The following LAMA2 variants were observed in gnomAD, a reference collection of about 807,000 sequenced individuals.
LAMA2 encodes the protein laminin subunit alpha 2.
LAMA2 carries 269 observed loss-of-function variants against 364.8 expected under a neutral mutation model. That is an observed-to-expected ratio of 0.74 (90% CI 0.67 to 0.82). The LOEUF (loss-of-function observed/expected upper bound fraction) is 0.82. LAMA2 is among the 40% of genes least tolerant of loss of function. LAMA2 has a pLI of 0.00. For missense variants in LAMA2, 3,807 were observed against 3,873.2 expected (o/e 0.98, Z 0.45); for synonymous variants, 1,379 against 1,370.6 (o/e 1.01, Z -0.14).
At chr6:129,304,640 T>A (rs751600405) in intron 22 of LAMA2, among the ~76,000 whole-genome samples, 2 of 152,254 alleles carry the variant, frequency 1.3e-5, no homozygotes, top group Admixed American at 1.3e-4. Flanking sequence ...GGGCATTTGA[T>A]ACATTTTTTT....
intron 32 of LAMA2, among the ~76,000 whole-genome samples, chr6:129,365,545 T>C (rs1432816058): frequency 6.6e-6 from 1 of 152,058 alleles, no homozygotes; most frequent in East Asian, 1.9e-4. Flanking sequence ...GTATTTTTAG[T>C]AGAGACAGGG....
intron 12 of LAMA2, among the ~76,000 whole-genome samples, chr6:129,233,929 T>G (rs770502247): frequency 6.6e-6 from 1 of 152,164 alleles, no homozygotes; most frequent in Admixed American, 6.5e-5. Flanking sequence ...GTTAAGAAGA[T>G]ATTTTTGTGA....
intron 1 of LAMA2, among the ~76,000 whole-genome samples, chr6:128,922,819 T>C (rs910963848): frequency 6.6e-6 from 1 of 152,226 alleles, no homozygotes; most frequent in African/African-American, 2.4e-5. Flanking sequence ...CTAGGTTTTC[T>C]TCTAGTGTTT....
chr6:128,901,016 G>T (rs570377410), intron 1 of LAMA2, among the ~76,000 whole-genome samples: 67 of 152,306 alleles, frequency 4.4e-4, no homozygotes, highest in African/African-American at 1.4e-3. Context: ...AATTAGCTGC[G>T]TGTGGTGGCA....
At chr6:128,977,838 CT>C (rs1562888145) in intron 1 of LAMA2, among the ~76,000 whole-genome samples, 1 of 152,008 alleles carries the variant, frequency 6.6e-6, no homozygotes, top group Non-Finnish European at 1.5e-5. Context: ...AATTTCATCA[CT>C]TTTTTTTCTC....
In LAMA2 at chr6:129,454,243, ATTT is replaced by A. The variant is rs1297387559; in HGVS notation, c.6663_6665del (p.Asp2221_Leu2222delinsGlu). The A allele has an allele frequency of 6.2e-7, 1 of 1,612,560 alleles. No individual in the cohort carries two copies. On this transcript the variant is annotated inframe_deletion, in exon 47 of 65. Coordinates refer to ENST00000421865, the MANE Select transcript of LAMA2 (RefSeq NM_000426.4). ...GGAGTTGGACGTGTAGAGTACCCAG[ATTT>A]GACTATTGATGACTCATATTGGTAC...
At chr6:129,136,977 G>A (rs1260698063) in intron 4 of LAMA2, among the ~76,000 whole-genome samples, 2 of 152,090 alleles carry the variant, frequency 1.3e-5, no homozygotes, top group African/African-American at 2.4e-5. Context: ...GTGACCTGTG[G>A]TCACAGTGTT....
At chr6:129,171,685 G>T (rs1228350436) in intron 9 of LAMA2, among the ~76,000 whole-genome samples, 1 of 134,506 alleles carries the variant, frequency 7.4e-6, no homozygotes, top group Non-Finnish European at 1.6e-5. Context: ...GTATCTTTGT[G>T]GCGTTCTCTG....
intron 37 of LAMA2, among the ~76,000 whole-genome samples, chr6:129,399,601 A>C (rs767439097): frequency 8.5e-5 from 13 of 152,216 alleles, no homozygotes; most frequent in Non-Finnish European, 1.5e-4. Context: ...GCCCTAGTAC[A>C]TAGAGAATGA....
At chr6:129,464,250 T>C in intron 49 of LAMA2, 40 bp from the exon 50 acceptor site, 2 of 1,563,662 alleles carry the variant, frequency 1.3e-6, no homozygotes, top group Non-Finnish European at 1.8e-6. Flanking sequence ...ACAGACTGAA[T>C]AGATATGATC....
intron 40 of LAMA2, among the ~76,000 whole-genome samples, chr6:129,407,691 G>A (rs1243400656): frequency 2.6e-5 from 4 of 152,216 alleles, no homozygotes; most frequent in South Asian, 2.1e-4. Context: ...ACCTCAGCGG[G>A]TCATGGCTTT....
rs111454788 is a variant in LAMA2, at chr6:129,516,407, C to CAAAT, written c.*62_*65dup. The CAAAT allele has an allele frequency of 8.6e-3, 13,033 of 1,508,018 alleles. 314 individuals carry two copies. The African/African-American group carries it at 0.087, about 10-fold the overall frequency. The allele number at this position is 1,508,018 out of a possible 1,614,324, so 93.4% of individuals were successfully genotyped here. A position where few individuals can be genotyped will look rare whatever the true frequency, so the allele number is the denominator to read the frequency against. On this transcript the variant is annotated 3_prime_UTR_variant, in exon 65 of 65. Transcript: ENST00000421865. The stretch of plus-strand genomic sequence containing the variant: ...AAACAAGTATATCAAGTAAAACAAA[C>CAAAT]AAATATATTTTACCTATATATGTTA...
rs1363243416 is a variant in LAMA2 at position 129,418,110 on chromosome 6, C to A, written c.5866-9642C>A. On this transcript the variant is annotated intron_variant, in intron 40 of 64. Coordinates refer to ENST00000421865, the MANE Select transcript of LAMA2 (RefSeq NM_000426.4). ...CAGGCTGACACTGCCATTACTGAGA[C>A]CCTCTTGCTCTCAGAAGAGTTTTCA... Among the ~76,000 whole-genome samples, 4 of 152,124 alleles carry A rather than the reference C, an allele frequency of 2.6e-5. No homozygotes were observed. The East Asian group carries it at 7.7e-4, about 29-fold the overall frequency.
At chr6:129,225,233 T>C (rs1031533266) in intron 12 of LAMA2, among the ~76,000 whole-genome samples, 8 of 152,164 alleles carry the variant, frequency 5.3e-5, no homozygotes, top group African/African-American at 1.4e-4. Context: ...TTTTCTTCTT[T>C]ATTAGTCTTG....
At chr6:129,388,806 T>C (rs970161354) in intron 35 of LAMA2, among the ~76,000 whole-genome samples, 6 of 152,188 alleles carry the variant, frequency 3.9e-5, no homozygotes, top group Non-Finnish European at 8.8e-5. Context: ...ATTATATCAG[T>C]AGTTACTTAC....
chr6:128,910,959 G>T (rs1392087526), intron 1 of LAMA2, among the ~76,000 whole-genome samples: 4 of 151,312 alleles, frequency 2.6e-5, no homozygotes, highest in Non-Finnish European at 5.9e-5. Flanking sequence ...GGGGGTCAGG[G>T]GTCAGGGACC....
At chr6:129,099,849 A>T (rs1321060186) in intron 4 of LAMA2, among the ~76,000 whole-genome samples, 1 of 152,228 alleles carries the variant, frequency 6.6e-6, no homozygotes, top group African/African-American at 2.4e-5. Flanking sequence ...CCAAATGACA[A>T]GGACTCAAAT....
intron 1 of LAMA2, among the ~76,000 whole-genome samples, chr6:128,977,958 A>G (rs1275401225): frequency 6.6e-6 from 1 of 152,194 alleles, no homozygotes; most frequent in Non-Finnish European, 1.5e-5. Context: ...CTAGCTAAGT[A>G]CTTTCAGCAC....
rs770063449 is a variant in LAMA2 at position 129,445,831 on chromosome 6, T to G, written c.6429+10T>G. 1.7e-5 allele frequency: 28 copies of G among 1,608,918 alleles called. No homozygotes were observed. Among genetic ancestry groups the G allele is most frequent in the African/African-American group, 2.7e-5 (2 of 74,812 alleles). Reference sequence around the variant, plus strand: ...GAAACAAGCCAATTCTGTAAGTTCTTTTTATCGTCAGTATCAGTAACTGAT... The same window carrying G: ...GAAACAAGCCAATTCTGTAAGTTCTGTTTATCGTCAGTATCAGTAACTGAT... On this transcript the variant is annotated intron_variant, in intron 45 of 64. Coordinates refer to ENST00000421865, the MANE Select transcript of LAMA2 (RefSeq NM_000426.4).
Sources: allele counts gnomAD v4.1 joint callset (sites outside exome capture counted in the v4.1 genomes callset), GRCh38; gene constraint gnomAD v4.1.1; transcripts MANE v1.5; gene names NCBI Gene and HGNC (gene_info 2026-07-23, HGNC 2026-07-21).